The following TECTB variants were observed in gnomAD, a reference collection of about 807,000 sequenced individuals.
TECTB encodes the protein beta-tectorin.
In TECTB, 45 loss-of-function variants were observed where a neutral mutation model predicts 43.3. That is an observed-to-expected ratio of 1.04 (90% CI 0.82 to 1.33). TECTB has a LOEUF of 1.33. Ranked by LOEUF, TECTB falls within the 40% of genes most tolerant of loss-of-function variation. The pLI, the probability that TECTB is intolerant of heterozygous loss-of-function variation, is 0.00. For missense variants in TECTB, 399 were observed against 404.7 expected, an observed-to-expected ratio of 0.99 and a Z score of 0.12; for synonymous variants, 169 against 156.7, an observed-to-expected ratio of 1.08 and a Z score of -0.59.
At chr10:112,301,059 C>G (rs1279948569) in intron 9 of TECTB, among the ~76,000 whole-genome samples, 1 of 152,230 alleles carries the variant, frequency 6.6e-6, no homozygotes, top group Non-Finnish European at 1.5e-5. Flanking sequence ...GAATTAAGAA[C>G]AGTTTTCACG....
In TECTB at chr10:112,304,637, CA is replaced by C. The variant is rs1273092072; in HGVS notation, c.*1327del. 6.7e-6 allele frequency: 1 copy of C among 148,590 alleles called. No individual in the cohort carries two copies. Among genetic ancestry groups the C allele is most frequent in the Non-Finnish European group, 1.5e-5 (1 of 68,026 alleles). 9.2% of individuals were successfully genotyped at this position (148,590 alleles called of 1,614,324 possible). On this transcript the variant is annotated 3_prime_UTR_variant, in exon 11 of 11. Transcript: ENST00000646139. ...TATTTAAGGTATTTGAGAAGTTTTG[CA>C]ATTTGCAGTTTGATGATTCTTTTAC...
intron 7 of TECTB, among the ~76,000 whole-genome samples, chr10:112,297,484 G>T (rs1010591623): frequency 1.3e-5 from 2 of 152,064 alleles, no homozygotes; most frequent in African/African-American, 4.8e-5. Context: ...CTTTGTATCA[G>T]CCTGTGTTAA....
chr10:112,299,244 G>A (rs73361310), intron 8 of TECTB, among the ~76,000 whole-genome samples: 2,146 of 152,316 alleles, frequency 0.014, 51 homozygotes, highest in African/African-American at 0.049. Flanking sequence ...TCTTCCAGAA[G>A]GATTCCCTCT....
intron 5 of TECTB, among the ~76,000 whole-genome samples, chr10:112,289,421 C>T (rs1467183931): frequency 6.6e-6 from 1 of 152,142 alleles, no homozygotes; most frequent in Non-Finnish European, 1.5e-5. Context: ...AGGTGGTAAA[C>T]CTTGACTTTC....
At chr10:112,302,017 T>C in intron 9 of TECTB, 84 bp from the exon 10 acceptor site, 3 of 1,530,492 alleles carry the variant, frequency 2.0e-6, no homozygotes, top group Non-Finnish European at 2.7e-6. Flanking sequence ...AGCCAGGTTT[T>C]GTGTTGTAGA....
chr10:112,291,289 A>G (rs1439097400), intron 5 of TECTB, among the ~76,000 whole-genome samples: 2 of 151,926 alleles, frequency 1.3e-5, no homozygotes, highest in Non-Finnish European at 2.9e-5. Context: ...ATGGCTTCCA[A>G]CTCCATCCAT....
In TECTB at chr10:112,304,201, T is replaced by C. The variant is rs192432995; in HGVS notation, c.*889T>C. 4.1e-4 allele frequency: 63 copies of C among 152,370 alleles called. No individual in the cohort carries two copies. Among genetic ancestry groups the C allele is most frequent in the African/African-American group, 1.4e-3 (59 of 41,588 alleles). The allele number at this position is 152,370 out of a possible 1,614,324, so 9.4% of individuals were successfully genotyped here. The stretch of plus-strand genomic sequence containing the variant: ...TGACCCAATCCTACAGATAAATGCC[T>C]TGTGACACTCAATGCTATTTTTTCT... On this transcript the variant is annotated 3_prime_UTR_variant, in exon 11 of 11. Coordinates refer to ENST00000646139, the MANE Select transcript of TECTB (RefSeq NM_058222.3).
At chr10:112,297,229 C>G (rs1423953686) in intron 7 of TECTB, among the ~76,000 whole-genome samples, 2 of 152,174 alleles carry the variant, frequency 1.3e-5, no homozygotes, top group African/African-American at 4.8e-5. Context: ...TCCGCCCACT[C>G]ACTAGATACC....
chr10:112,288,953 T>C (rs538446960), intron 5 of TECTB, among the ~76,000 whole-genome samples: 8 of 152,342 alleles, frequency 5.3e-5, no homozygotes, highest in African/African-American at 1.7e-4. Context: ...AAAATGGGCC[T>C]TCTCAACAGA....
chr10:112,287,321 T>C (rs958224242), intron 5 of TECTB, among the ~76,000 whole-genome samples: 1 of 152,344 alleles, frequency 6.6e-6, no homozygotes, highest in East Asian at 1.9e-4. Context: ...AAACTAAATA[T>C]GCAATGGCCA....
Position 112,293,721 on chromosome 10 carries a change from T to G in TECTB, c.484-17T>G. 1 of 1,609,850 alleles carries G rather than the reference T, an allele frequency of 6.2e-7. No homozygotes were observed. Among genetic ancestry groups the G allele is most frequent in the South Asian group, 1.1e-5 (1 of 90,960 alleles). ...ATCTGAGAGTTCATAATGCCCAGTGTCAATTTCCTTCCAAAGAATGCCAAG... is the reference window on the plus strand; with the variant it reads ...ATCTGAGAGTTCATAATGCCCAGTGGCAATTTCCTTCCAAAGAATGCCAAG... On this transcript the variant is annotated splice_polypyrimidine_tract_variant and intron_variant, in intron 5 of 10. Coordinates refer to ENST00000646139, the MANE Select transcript of TECTB (RefSeq NM_058222.3).
At chr10:112,296,554 G>A (rs781386927) in intron 7 of TECTB, among the ~76,000 whole-genome samples, 5 of 152,178 alleles carry the variant, frequency 3.3e-5, no homozygotes, top group African/African-American at 9.7e-5. Flanking sequence ...CGAGGATCTC[G>A]TGTTTATTGA....
In TECTB at chr10:112,298,145, C is replaced by A; in HGVS notation, c.748C>A (p.Arg250=). Residue 250 remains arginine (R), a synonymous_variant, in exon 8 of 11, where the codon CGG becomes AGG. Coordinates refer to ENST00000646139, the MANE Select transcript of TECTB (RefSeq NM_058222.3). ...GGCAACCTTCCAATTCAATGCTTTC[C>A]GGTTCCAGAACATCCCCAAACTCTC... is the stretch of plus-strand genomic sequence containing the variant. ...HRATFQFNAF[R]FQNIPKLSKV... The A allele has an allele frequency of 1.2e-6, 2 of 1,614,214 alleles. No homozygotes were observed. Among genetic ancestry groups the A allele is most frequent in the Middle Eastern group, 1.6e-4 (1 of 6,062 alleles).
intron 9 of TECTB, among the ~76,000 whole-genome samples, chr10:112,301,769 G>A (rs77698341): frequency 6.6e-5 from 10 of 152,010 alleles, no homozygotes; most frequent in South Asian, 4.2e-4. Context: ...TTTTGAGACC[G>A]TGTCGCCCAG....
intron 7 of TECTB, 124 bp downstream of exon 7, chr10:112,294,185 C>A: frequency 1.3e-6 from 1 of 785,126 alleles, no homozygotes. Flanking sequence ...GCAGTGACAC[C>A]ATCTGTGGTT....
At chr10:112,296,956 G>A (rs1848552280) in intron 7 of TECTB, among the ~76,000 whole-genome samples, 1 of 152,142 alleles carries the variant, frequency 6.6e-6, no homozygotes, top group Non-Finnish European at 1.5e-5. Flanking sequence ...CAGAGCGACA[G>A]ACCCTGCTAC....
In TECTB at chr10:112,303,301, G is replaced by C; in HGVS notation, c.979G>C (p.Ala327Pro). 1 of 1,614,130 alleles carries C rather than the reference G, an allele frequency of 6.2e-7. No homozygotes were observed. Among genetic ancestry groups the C allele is most frequent in the Admixed American group, 1.7e-5 (1 of 60,022 alleles). The change falls in exon 11 of 11, where the codon GCC becomes CCC. Residue 327 changes from alanine (A) to proline (P), a missense_variant. Transcript: ENST00000646139. The stretch of plus-strand genomic sequence containing the variant: ...CCTCATCATGATGTTGGGGATTTGT[G>C]CCGTGTTATAGGAGTTAGCCAGGCA... ...HHLIMMLGIC[A>P]VL is the part of the protein sequence containing the mutation.
chr10:112,298,564 A>G (rs967883227), intron 8 of TECTB, among the ~76,000 whole-genome samples: 1 of 152,220 alleles, frequency 6.6e-6, no homozygotes, highest in African/African-American at 2.4e-5. Context: ...AGACTTGGAA[A>G]TACTTGGAAG....
chr10:112,293,950 A>G, intron 6 of TECTB, 28 bp from the exon 7 acceptor site: 1 of 1,613,338 alleles, frequency 6.2e-7, no homozygotes, highest in Non-Finnish European at 8.5e-7. Flanking sequence ...CTCTGTTTCA[A>G]AGTGATGCCA....
Sources: gnomAD v4.1 joint callset for allele counts (sites outside exome capture counted in the v4.1 genomes callset) on GRCh38, gnomAD v4.1.1 for gene constraint, MANE v1.5 for transcripts, NCBI Gene and HGNC (gene_info 2026-07-23, HGNC 2026-07-21) for gene names.